EVA1C: variants seen among roughly 807,000 people sequenced by gnomAD.
EVA1C encodes the protein eva-1 homolog C.
EVA1C carries 25 observed loss-of-function variants against 45.4 expected under a neutral mutation model. The ratio of observed to expected loss-of-function variants is 0.55; its 90% CI spans 0.40 to 0.77. The LOEUF (loss-of-function observed/expected upper bound fraction) is 0.77. Among genes scored for constraint, EVA1C ranks in the 30% least tolerant of loss-of-function variants. The pLI is 0.00. For missense variants in EVA1C, 479 were observed against 554.8 expected (o/e 0.86, Z 1.37); for synonymous variants, 190 against 221.2 (o/e 0.86, Z 1.25).
At chr21:32,463,596 T>A (rs1202108562) in intron 3 of EVA1C, among the ~76,000 whole-genome samples, 4 of 152,082 alleles carry the variant, frequency 2.6e-5, no homozygotes, top group African/African-American at 9.7e-5. Flanking sequence ...GGGGACGAAA[T>A]CGCTGGAGGC....
At chr21:32,513,436 C>T (rs1261074247) in intron 7 of EVA1C, among the ~76,000 whole-genome samples, 1 of 148,760 alleles carries the variant, frequency 6.7e-6, no homozygotes, top group African/African-American at 2.4e-5. Flanking sequence ...GCCTCGGCCT[C>T]CCAAAGTGCT....
intron 4 of EVA1C, among the ~76,000 whole-genome samples, chr21:32,494,403 C>T (rs370223728): frequency 2.6e-5 from 4 of 152,282 alleles, no homozygotes; most frequent in African/African-American, 4.8e-5. Flanking sequence ...TGGTAAAGGT[C>T]GTAAAAGAAC....
At chr21:32,431,913 A>C (rs959835211) in intron 1 of EVA1C, among the ~76,000 whole-genome samples, 3 of 152,198 alleles carry the variant, frequency 2.0e-5, no homozygotes, top group African/African-American at 7.2e-5. Flanking sequence ...TATGGACCTC[A>C]TTCAGATTTT....
At chr21:32,470,188 A>G (rs1225672595) in intron 4 of EVA1C, among the ~76,000 whole-genome samples, 1 of 152,208 alleles carries the variant, frequency 6.6e-6, no homozygotes, top group African/African-American at 2.4e-5. Flanking sequence ...TGCATGCCTA[A>G]GTAATACCTT....
chr21:32,512,008 AC>A (rs1281758385), intron 7 of EVA1C, among the ~76,000 whole-genome samples: 2 of 152,182 alleles, frequency 1.3e-5, no homozygotes, highest in South Asian at 2.1e-4. Context: ...TTAAAAAAAA[AC>A]ACCAAGTCTC....
chr21:32,441,892 G>A (rs2035189045), intron 1 of EVA1C, among the ~76,000 whole-genome samples: 1 of 152,182 alleles, frequency 6.6e-6, no homozygotes. Context: ...TGCCTCCCCT[G>A]TCTTCTGGGG....
intron 6 of EVA1C, among the ~76,000 whole-genome samples, chr21:32,501,800 T>G (rs1244175568): frequency 6.6e-6 from 1 of 152,204 alleles, no homozygotes; most frequent in African/African-American, 2.4e-5. Context: ...TTGGGCTTCC[T>G]GGGTTACACA....
Position 32,514,804 on chromosome 21 carries a change from C to A in EVA1C, c.950-10C>A. On this transcript the variant is annotated splice_polypyrimidine_tract_variant and intron_variant, in intron 7 of 7. Transcript: ENST00000300255. ...CTCCCAGCTCCTGACATGTTCTCTT[C>A]CTCCTGCAGCCCACCCGGAGAGAGC... 6.5e-7 allele frequency: 1 copy of A among 1,532,392 alleles called. No individual in the cohort carries two copies. Among genetic ancestry groups the A allele is most frequent in the South Asian group, 1.3e-5 (1 of 77,914 alleles). The allele number at this position is 1,532,392 out of a possible 1,614,324, so 94.9% of individuals were successfully genotyped here.
chr21:32,479,609 T>C (rs1427671237), intron 4 of EVA1C, among the ~76,000 whole-genome samples: 1 of 152,184 alleles, frequency 6.6e-6, no homozygotes, highest in Non-Finnish European at 1.5e-5. Flanking sequence ...TCCTGTGGGT[T>C]CTTTCACTCT....
At chr21:32,435,232 G>C (rs556454609) in intron 1 of EVA1C, among the ~76,000 whole-genome samples, 4 of 142,664 alleles carry the variant, frequency 2.8e-5, no homozygotes, top group Non-Finnish European at 6.1e-5. Flanking sequence ...TTTTTTTTGT[G>C]GGGGGGAAAT....
intron 4 of EVA1C, among the ~76,000 whole-genome samples, chr21:32,473,237 G>A (rs927872766): frequency 6.6e-6 from 1 of 152,222 alleles, no homozygotes; most frequent in African/African-American, 2.4e-5. Context: ...TAACACCTGC[G>A]TGTGTTCCAA....
chr21:32,464,298 G>T (rs1392839512), intron 3 of EVA1C, among the ~76,000 whole-genome samples: 1 of 152,112 alleles, frequency 6.6e-6, no homozygotes, highest in African/African-American at 2.4e-5. Context: ...AACTACCAGG[G>T]CAGGATAGGG....
In EVA1C at chr21:32,507,748, A is replaced by G. The variant is rs200674937; in HGVS notation, c.949+3733A>G. Among the ~76,000 whole-genome samples the G allele has an allele frequency of 2.0e-3, 213 of 106,986 alleles. No homozygotes were observed. The East Asian group carries it at 0.055, about 28-fold the overall frequency. The allele number at this position is 106,986 out of a possible 152,430, so 70.2% of individuals were successfully genotyped here. ...TGTGCATACGTGTATCTGCATGTGC[A>G]TATGTGTTTGCGTGTGTGTGCATGT... On this transcript the variant is annotated intron_variant, in intron 7 of 7. Coordinates refer to ENST00000300255, the MANE Select transcript of EVA1C (RefSeq NM_058187.5).
rs60224656 is a variant in EVA1C, at chr21:32,425,334, C to CAAAAA, written c.160+12338_160+12342dup. Among the ~76,000 whole-genome samples, 263 of 57,608 alleles carry CAAAAA rather than the reference C, an allele frequency of 4.6e-3. 8 individuals carry two copies. Among genetic ancestry groups the CAAAAA allele is most frequent in the African/African-American group, 6.6e-3 (106 of 16,168 alleles). 37.8% of individuals were successfully genotyped at this position (57,608 alleles called of 152,430 possible). On this transcript the variant is annotated intron_variant, in intron 1 of 7. Transcript: ENST00000300255. ...TGGGAGACAGAGTAAGACTCCATCTCAAAAAAAAAAAAAAAAAAAAAGAGT... is the reference window on the plus strand; with the variant it reads ...TGGGAGACAGAGTAAGACTCCATCTCAAAAAAAAAAAAAAAAAAAAAAAAAAGAGT...
chr21:32,465,867 C>T (rs1024578515), intron 3 of EVA1C, among the ~76,000 whole-genome samples: 1 of 152,154 alleles, frequency 6.6e-6, no homozygotes, highest in Non-Finnish European at 1.5e-5. Context: ...TTCACATTTT[C>T]CAAGTGTACA....
At chr21:32,442,094 C>T (rs1412047121) in intron 1 of EVA1C, among the ~76,000 whole-genome samples, 1 of 152,160 alleles carries the variant, frequency 6.6e-6, no homozygotes, top group African/African-American at 2.4e-5. Flanking sequence ...GTAGGGCAGG[C>T]TGAGAAATAT....
chr21:32,444,091 C>CAA (rs370906329), intron 1 of EVA1C, among the ~76,000 whole-genome samples: 10,417 of 146,310 alleles, frequency 0.071, 588 homozygotes, highest in Non-Finnish European at 0.11. Flanking sequence ...CACACACACA[C>CAA]AAACTCAAAG....
intron 5 of EVA1C, among the ~76,000 whole-genome samples, chr21:32,499,701 G>T (rs1473382457): frequency 2.0e-5 from 3 of 152,200 alleles, no homozygotes; most frequent in African/African-American, 7.2e-5. Context: ...ATTTCCTGTT[G>T]CTACTTCTCT....
At chr21:32,466,143 G>A (rs1030714883) in intron 3 of EVA1C, among the ~76,000 whole-genome samples, 7 of 152,138 alleles carry the variant, frequency 4.6e-5, no homozygotes, top group Admixed American at 1.3e-4. Context: ...ATCATTGGCC[G>A]GGCGCTTTGG....
Sources: gnomAD v4.1 joint callset for allele counts (sites outside exome capture counted in the v4.1 genomes callset) on GRCh38, gnomAD v4.1.1 for gene constraint, MANE v1.5 for transcripts, NCBI Gene and HGNC (gene_info 2026-07-23, HGNC 2026-07-21) for gene names.